Variants in ZNF175 observed in about 807,000 individuals in gnomAD.
ZNF175 encodes the protein zinc finger protein 175.
A neutral mutation model predicts 14.0 loss-of-function variants in ZNF175; 8 were observed. That is an observed-to-expected ratio of 0.57 (90% CI 0.34 to 1.03). The LOEUF is 1.03. Among genes scored for constraint, ZNF175 ranks in the 50% least tolerant of loss-of-function variants. The probability of loss-of-function intolerance (pLI) is 0.03; values close to 1 mark genes in which losing one functional copy is unlikely to be tolerated. For synonymous variants in ZNF175, 255 were observed against 296.8 expected (o/e 0.86, Z 1.45); for missense variants, 764 against 849.5 (o/e 0.90, Z 1.25).
chr19:51,577,884 C>G (rs866733742), intron 2 of ZNF175, among the ~76,000 whole-genome samples: 1 of 151,254 alleles, frequency 6.6e-6, no homozygotes, highest in Admixed American at 6.6e-5. Context: ...AGGATGGTCT[C>G]AATCTCCTGA....
rs2122580159 is a variant in ZNF175 at position 51,588,579 on chromosome 19, A to G, written c.*112A>G. On this transcript the variant is annotated 3_prime_UTR_variant, in exon 5 of 5. Coordinates refer to ENST00000262259, the MANE Select transcript of ZNF175 (RefSeq NM_007147.4). ...ATATGTTATTGAATTCATGCTTCAGAAAAACTCTAGGGATGCACTGCATGT... is the reference window on the plus strand; with the variant it reads ...ATATGTTATTGAATTCATGCTTCAGGAAAACTCTAGGGATGCACTGCATGT... 7.8e-7 allele frequency: 1 copy of G among 1,278,944 alleles called. No homozygotes were observed. Among genetic ancestry groups the G allele is most frequent in the Non-Finnish European group, 1.0e-6 (1 of 960,668 alleles). 79.2% of individuals were successfully genotyped at this position (1,278,944 alleles called of 1,614,324 possible).
Position 51,588,339 on chromosome 19 carries a change from C to T in ZNF175, c.2008C>T (p.Pro670Ser). 1 of 1,614,168 alleles carries T rather than the reference C, an allele frequency of 6.2e-7. No homozygotes were observed. Reference protein sequence around the residue: ...VHQRIHTGERPYVCSECGKAF... With the variant: ...VHQRIHTGERSYVCSECGKAF... ...TCAGCGAATTCACACGGGAGAAAGACCTTATGTGTGTTCTGAATGTGGAAA... is the reference window on the plus strand; with the variant it reads ...TCAGCGAATTCACACGGGAGAAAGATCTTATGTGTGTTCTGAATGTGGAAA... The change falls in exon 5 of 5, where the codon CCT (proline) becomes TCT (serine). Residue 670 changes from proline to serine, a missense_variant. By Grantham distance (74) the Pro-to-Ser change is moderately conservative. Transcript: ENST00000262259.
At chr19:51,583,086 C>A (rs888426834) in intron 4 of ZNF175, among the ~76,000 whole-genome samples, 2 of 152,018 alleles carry the variant, frequency 1.3e-5, no homozygotes, top group African/African-American at 4.8e-5. Flanking sequence ...AACTCCCGAC[C>A]TCAGGTGTTC....
intron 2 of ZNF175, among the ~76,000 whole-genome samples, chr19:51,577,469 T>TA (rs11397596): frequency 0.48 from 72,994 of 151,806 alleles, 18,217 homozygotes; most frequent in East Asian, 0.9. Flanking sequence ...ATTACTGCCT[T>TA]AAAAAATTTT....
chr19:51,584,423 G>A lies in ZNF175; in HGVS notation c.296-2204G>A, dbSNP rs549103963. Among the ~76,000 whole-genome samples the A allele has an allele frequency of 5.3e-5, 8 of 152,298 alleles. No individual in the cohort carries two copies. The South Asian group carries it at 1.7e-3, about 32-fold the overall frequency. On this transcript the variant is annotated intron_variant, in intron 4 of 4. Transcript: ENST00000262259. ...CAATCGACATTGTTAGGCTGTGTTGGAGAGTTGTGGAAAAGCTTTTCAGTA... is the reference window on the plus strand; with the variant it reads ...CAATCGACATTGTTAGGCTGTGTTGAAGAGTTGTGGAAAAGCTTTTCAGTA...
intron 1 of ZNF175, among the ~76,000 whole-genome samples, chr19:51,572,727 C>G (rs1238768561): frequency 6.6e-6 from 1 of 152,154 alleles, no homozygotes; most frequent in African/African-American, 2.4e-5. Context: ...AGCACACAGC[C>G]TCATTATCCT....
At position 51,590,212 on chromosome 19, in the gene ZNF175, T is replaced by C. The variant is rs960279725; in HGVS notation, c.*1745T>C. Reference sequence around the variant, plus strand: ...CCAGGAGCCAGGTTCCTGCATTTGATTCCTGGCTCCACTCTCTACCCTCTG... The same window carrying C: ...CCAGGAGCCAGGTTCCTGCATTTGACTCCTGGCTCCACTCTCTACCCTCTG... On this transcript the variant is annotated 3_prime_UTR_variant, in exon 5 of 5. Coordinates refer to ENST00000262259, the MANE Select transcript of ZNF175 (RefSeq NM_007147.4). The C allele has an allele frequency of 2.0e-5, 3 of 152,460 alleles. No homozygotes were observed. Among genetic ancestry groups the C allele is most frequent in the African/African-American group, 7.2e-5 (3 of 41,438 alleles). 9.4% of individuals were successfully genotyped at this position (152,460 alleles called of 1,614,324 possible).
rs761746269 is a variant in ZNF175 at position 51,581,790 on chromosome 19, A to T, written c.203A>T (p.Tyr68Phe). 19 of 1,613,624 alleles carry T rather than the reference A, an allele frequency of 1.2e-5. No individual in the cohort carries two copies. The highest frequency in any genetic ancestry group is 1.4e-5 in the Non-Finnish European group (17 of 1,179,930). The change falls in exon 4 of 5, where the codon TAT (tyrosine) becomes TTT (phenylalanine). Residue 68 changes from tyrosine to phenylalanine, a missense_variant. Coordinates refer to ENST00000262259, the MANE Select transcript of ZNF175 (RefSeq NM_007147.4). ...CAGTATCCTTTCTAATTAACAGGGT[A>T]TCACATTCCCAACCCAGAGGTCATC... The part of the protein sequence containing the change: ...ELYSHLFAVG[Y>F]HIPNPEVIFR...
In ZNF175 at chr19:51,586,278, A is replaced by G. The variant is rs150747254; in HGVS notation, c.296-349A>G. ...GCATAAGTGTCCTCAGGTTGTTGAAATCTAATCCCCACAGATTAGCAAAGT... is the reference window on the plus strand; with the variant it reads ...GCATAAGTGTCCTCAGGTTGTTGAAGTCTAATCCCCACAGATTAGCAAAGT... On this transcript the variant is annotated intron_variant, in intron 4 of 4. Transcript: ENST00000262259. 1.1e-3 allele frequency among the ~76,000 whole-genome samples: 167 copies of G among 152,292 alleles called. 2 individuals carry two copies. In the East Asian group the frequency reaches 0.023, roughly 21 times the overall value.
rs1261359857 is a variant in ZNF175, at chr19:51,586,754, T to A, written c.423T>A (p.Asp141Glu). The A allele has an allele frequency of 1.9e-6, 3 of 1,614,116 alleles. No individual in the cohort carries two copies. Among genetic ancestry groups the A allele is most frequent in the Non-Finnish European group, 2.5e-6 (3 of 1,180,046 alleles). Residue 141 changes from aspartate to glutamate, a missense_variant, in exon 5 of 5, where the codon GAT becomes GAA. By Grantham distance (45) the Asp-to-Glu change is conservative (BLOSUM62 2). Transcript: ENST00000262259. ...CCATTTTAGAAGAACTGAGGCTGGA[T>A]GCTGACCGCACAAAGAAAGATGAGC... ...WCSILEELRLDADRTKKDEQN... is the reference protein window; with the variant it reads ...WCSILEELRLEADRTKKDEQN...
chr19:51,587,113 G>C lies in ZNF175; in HGVS notation c.782G>C (p.Cys261Ser). 2.5e-6 allele frequency: 4 copies of C among 1,614,200 alleles called. No individual in the cohort carries two copies. Among genetic ancestry groups the C allele is most frequent in the Non-Finnish European group, 3.4e-6 (4 of 1,180,024 alleles). Residue 261 changes from cysteine (C) to serine (S), a missense_variant, in exon 5 of 5, where the codon TGT becomes TCT. Coordinates refer to ENST00000262259, the MANE Select transcript of ZNF175 (RefSeq NM_007147.4). ...FCKGNQCRKV[C>S]GHKQSLKQHQ... ...AAAGGTAACCAGTGTAGAAAAGTCT[G>C]TGGCCATAAACAGTCACTCAAGCAA...
intron 2 of ZNF175, 155 bp downstream of exon 2, chr19:51,573,556 T>A: frequency 3.0e-6 from 2 of 666,826 alleles, no homozygotes. Flanking sequence ...GCTATCTGTG[T>A]TCTAGAGGAA....
Position 51,577,581 on chromosome 19 carries a change from T to C in ZNF175, c.73-3810T>C, listed in dbSNP as rs184666517. Among the ~76,000 whole-genome samples, 331 of 152,304 alleles carry C rather than the reference T, an allele frequency of 2.2e-3. 4 individuals are homozygous for C. The highest frequency in any genetic ancestry group is 7.4e-3 in the African/African-American group (307 of 41,558). The stretch of plus-strand genomic sequence containing the variant: ...ATATTTGAGATATTTTAAAATGTAA[T>C]TTTATGAATAGATAATACACAGCAT... On this transcript the variant is annotated intron_variant, in intron 2 of 4. Transcript: ENST00000262259.
At chr19:51,586,494 C>A in intron 4 of ZNF175, 133 bp from the exon 5 acceptor site, 1 of 867,416 alleles carries the variant, frequency 1.2e-6, no homozygotes, top group Non-Finnish European at 1.7e-6. Context: ...TGTGTTTCTG[C>A]TCATTGTCAG....
rs1056744832 is a variant in ZNF175 at position 51,581,474 on chromosome 19, C to A, written c.156C>A (p.Tyr52Ter). ...QQLDPAQRCL[Y>*]RDVMLELYSH... Reference sequence around the variant, plus strand: ...TGGACCCTGCCCAGAGATGCCTGTACCGGGATGTGATGCTGGAGCTCTATA... The same window carrying A: ...TGGACCCTGCCCAGAGATGCCTGTAACGGGATGTGATGCTGGAGCTCTATA... The change falls in exon 3 of 5, where the codon TAC (tyrosine) becomes TAA (stop). Residue 52 changes from tyrosine (Y) to a stop codon, truncating the protein, a stop_gained. Transcript: ENST00000262259. LOFTEE classifies it high-confidence loss of function. 2.5e-6 allele frequency: 4 copies of A among 1,613,936 alleles called. No individual in the cohort carries two copies. Among genetic ancestry groups the A allele is most frequent in the Non-Finnish European group, 3.4e-6 (4 of 1,180,016 alleles).
chr19:51,581,903 C>A (rs1457626975), intron 4 of ZNF175, 21 bp downstream of exon 4: 1 of 1,601,554 alleles, frequency 6.2e-7, no homozygotes, highest in East Asian at 2.2e-5. Flanking sequence ...TGTACCCGGG[C>A]AAATGTAGAT....
In ZNF175 at chr19:51,588,743, C is replaced by T. The variant is rs1568578283; in HGVS notation, c.*276C>T. The T allele has an allele frequency of 9.4e-6, 4 of 427,784 alleles. No homozygotes were observed. In the East Asian group the frequency reaches 1.0e-4, roughly 11 times the overall value. The allele number at this position is 427,784 out of a possible 1,614,324, so 26.5% of individuals were successfully genotyped here. ...CCCCGGGAAGAAACCCTGACTAACG[C>T]ATTGAGAAAAGCCTTTCTGTAAAGA... On this transcript the variant is annotated 3_prime_UTR_variant, in exon 5 of 5. Coordinates refer to ENST00000262259, the MANE Select transcript of ZNF175 (RefSeq NM_007147.4).
intron 1 of ZNF175, among the ~76,000 whole-genome samples, chr19:51,572,898 A>C (rs1981642344): frequency 6.6e-6 from 1 of 152,222 alleles, no homozygotes; most frequent in Non-Finnish European, 1.5e-5. Context: ...AAATACCTGC[A>C]TTTTCATTTT....
rs989693308 is a variant in ZNF175 at position 51,587,061 on chromosome 19, A to C, written c.730A>C (p.Asn244His). 2 of 1,614,114 alleles carry C rather than the reference A, an allele frequency of 1.2e-6. No individual in the cohort carries two copies. The highest frequency in any genetic ancestry group is 1.7e-6 in the Non-Finnish European group (2 of 1,180,028). Residue 244 changes from asparagine to histidine, a missense_variant, in exon 5 of 5, where the codon AAT (asparagine) becomes CAT (histidine). Transcript: ENST00000262259. ...SHSSSDACSK[N>H]IHTGETFCKG... The stretch of plus-strand genomic sequence containing the variant: ...TAGCTCTTCTGATGCCTGCAGCAAG[A>C]ATATTCATACAGGAGAGACATTTTG...
Sources: allele counts gnomAD v4.1 joint callset (sites outside exome capture counted in the v4.1 genomes callset), GRCh38; gene constraint gnomAD v4.1.1; transcripts MANE v1.5; gene names NCBI Gene and HGNC (gene_info 2026-07-23, HGNC 2026-07-21).